The following NETO1 variants were observed in gnomAD, a reference collection of about 807,000 sequenced individuals.
NETO1 encodes the protein neuropilin and tolloid like 1.
A neutral mutation model predicts 61.3 loss-of-function variants in NETO1; 26 were observed. The ratio of observed to expected loss-of-function variants is 0.42; its 90% CI spans 0.31 to 0.59. The LOEUF (loss-of-function observed/expected upper bound fraction) is 0.59, where lower values mean the gene tolerates loss of function less well. NETO1 is among the 20% of genes least tolerant of loss of function. NETO1 has a pLI of 0.12. For synonymous variants in NETO1, 225 were observed against 225.8 expected (o/e 1.00, Z 0.03); for missense variants, 531 against 662.8 (o/e 0.80, Z 2.18).
At chr18:72,822,735 T>C (rs1035169999) in intron 4 of NETO1, among the ~76,000 whole-genome samples, 1 of 152,202 alleles carries the variant, frequency 6.6e-6, no homozygotes, top group Non-Finnish European at 1.5e-5. Context: ...AGACTTCACT[T>C]GCGGTAGACA....
intron 4 of NETO1, chr18:72,834,880 T>G: frequency 2.3e-6 from 2 of 881,920 alleles, no homozygotes; most frequent in Non-Finnish European, 2.7e-6. Flanking sequence ...AAGAATAAAT[T>G]ATCGAAAAAG....
At chr18:72,862,277 G>A (rs2074597060) in intron 3 of NETO1, among the ~76,000 whole-genome samples, 1 of 152,152 alleles carries the variant, frequency 6.6e-6, no homozygotes, top group South Asian at 2.1e-4. Context: ...ATTTTTAAGA[G>A]CAGTTGAAAA....
At chr18:72,779,714 A>C (rs1202966300) in intron 7 of NETO1, among the ~76,000 whole-genome samples, 2 of 152,236 alleles carry the variant, frequency 1.3e-5, no homozygotes. Context: ...AGAATTCTGC[A>C]TAATTTTAGC....
chr18:72,794,060 T>C (rs2072229100), intron 6 of NETO1, 57 bp downstream of exon 6: 2 of 1,609,822 alleles, frequency 1.2e-6, no homozygotes, highest in Non-Finnish European at 8.5e-7. Flanking sequence ...AAGCAATGCT[T>C]GTTATAGACA....
chr18:72,756,538 T>A (rs1384734687), intron 7 of NETO1, among the ~76,000 whole-genome samples: 1 of 152,164 alleles, frequency 6.6e-6, no homozygotes, highest in African/African-American at 2.4e-5. Flanking sequence ...TAGAAATTTT[T>A]AAATAATTTT....
chr18:72,865,502 G>A (rs1457035250), intron 1 of NETO1: 48 of 1,529,196 alleles, frequency 3.1e-5, no homozygotes, highest in Non-Finnish European at 3.9e-5. Context: ...CACTCTAAAG[G>A]CAACATGTCA....
intron 4 of NETO1, among the ~76,000 whole-genome samples, chr18:72,826,461 G>A (rs2073377008): frequency 1.3e-5 from 2 of 151,724 alleles, no homozygotes; most frequent in African/African-American, 4.8e-5. Flanking sequence ...TTTTTAAATT[G>A]GTAGATTTAT....
At position 72,756,064 on chromosome 18, in the gene NETO1, C is replaced by T; in HGVS notation, c.952G>A (p.Val318Met). 4 of 1,606,428 alleles carry T rather than the reference C, an allele frequency of 2.5e-6. No individual in the cohort carries two copies. The highest frequency in any genetic ancestry group is 2.6e-6 in the Non-Finnish European group (3 of 1,173,734). Residue 318 changes from valine (V) to methionine (M), a missense_variant, in exon 8 of 11, where the codon GTG becomes ATG. Physicochemically the swap from Val to Met is conservative, Grantham distance 21. Transcript: ENST00000327305. ...CAGTGATTTTCATCCCAAGGATACA[C>T]ACAGTTCTGGAGTCCATTGCAGACC... is the stretch of plus-strand genomic sequence containing the variant. Reference protein sequence around the residue: ...TLVCNGLQNCVYPWDENHCKE... With the variant: ...TLVCNGLQNCMYPWDENHCKE...
Position 72,867,379 on chromosome 18 carries a change from A to C in NETO1, c.-88T>G. 1 of 1,104,716 alleles carries C rather than the reference A, an allele frequency of 9.1e-7. No individual in the cohort carries two copies. The highest frequency in any genetic ancestry group is 1.8e-5 in the South Asian group (1 of 56,726). The allele number at this position is 1,104,716 out of a possible 1,614,324, so 68.4% of individuals were successfully genotyped here. A position where few individuals can be genotyped will look rare whatever the true frequency, so the allele number is the denominator to read the frequency against. ...CAGTGGCGGGGGGAGGACAGGGTCGAGAGGTGTTAAAGACGCAAAGCAAGA... is the reference window on the plus strand; with the variant it reads ...CAGTGGCGGGGGGAGGACAGGGTCGCGAGGTGTTAAAGACGCAAAGCAAGA... On this transcript the variant is annotated 5_prime_UTR_variant, in exon 1 of 11. Coordinates refer to ENST00000327305, the MANE Select transcript of NETO1 (RefSeq NM_138966.5).
At chr18:72,823,590 TG>T (rs1414104153) in intron 4 of NETO1, among the ~76,000 whole-genome samples, 1 of 151,988 alleles carries the variant, frequency 6.6e-6, no homozygotes, top group Admixed American at 6.6e-5. Context: ...GTTAAAAGGA[TG>T]GAGGTGTGGG....
chr18:72,785,544 T>C (rs931308908), intron 6 of NETO1, among the ~76,000 whole-genome samples: 7 of 152,186 alleles, frequency 4.6e-5, no homozygotes, highest in African/African-American at 1.7e-4. Context: ...AATCACAGTC[T>C]TTTTTTCATT....
chr18:72,784,962 T>C (rs946273816), intron 6 of NETO1, among the ~76,000 whole-genome samples: 11 of 152,184 alleles, frequency 7.2e-5, no homozygotes, highest in Non-Finnish European at 1.5e-4. Context: ...AGATACAATG[T>C]CAAAGAGTGG....
intron 4 of NETO1, among the ~76,000 whole-genome samples, chr18:72,843,438 T>G (rs2073993715): frequency 6.6e-6 from 1 of 152,154 alleles, no homozygotes; most frequent in Non-Finnish European, 1.5e-5. Flanking sequence ...GAAATCATCC[T>G]GATAATAGAG....
rs146630216 is a variant in NETO1 at position 72,826,269 on chromosome 18, T to A, written c.470-31865A>T. On this transcript the variant is annotated intron_variant, in intron 4 of 10. Coordinates refer to ENST00000327305, the MANE Select transcript of NETO1 (RefSeq NM_138966.5). Reference sequence around the variant, plus strand: ...CCTTCATTATTATTAATGATTTTTATCCTAAATTATAATTGGTCTGATATT... The same window carrying A: ...CCTTCATTATTATTAATGATTTTTAACCTAAATTATAATTGGTCTGATATT... 9.8e-5 allele frequency among the ~76,000 whole-genome samples: 15 copies of A among 152,310 alleles called. No individual in the cohort carries two copies. The East Asian group carries it at 2.7e-3, about 27-fold the overall frequency.
At chr18:72,827,089 TC>T (rs1238715935) in intron 4 of NETO1, among the ~76,000 whole-genome samples, 1 of 81,602 alleles carries the variant, frequency 1.2e-5, no homozygotes, top group Admixed American at 1.4e-4. Flanking sequence ...TTCAATGCTT[TC>T]TTTTTTTTTT....
intron 4 of NETO1, among the ~76,000 whole-genome samples, chr18:72,847,212 T>C (rs1444065125): frequency 6.6e-6 from 1 of 152,256 alleles, no homozygotes; most frequent in African/African-American, 2.4e-5. Context: ...AAAAGTCAGC[T>C]ATAGTTCTTT....
intron 4 of NETO1, among the ~76,000 whole-genome samples, chr18:72,838,659 T>C (rs1018744550): frequency 3.3e-5 from 5 of 152,198 alleles, no homozygotes; most frequent in Non-Finnish European, 5.9e-5. Context: ...AACTCTCTTG[T>C]TGCACTGTTC....
intron 4 of NETO1, among the ~76,000 whole-genome samples, chr18:72,825,611 T>C (rs986733716): frequency 1.5e-4 from 23 of 152,270 alleles, no homozygotes; most frequent in African/African-American, 5.1e-4. Flanking sequence ...TTTTTCTCAC[T>C]TTTGGAGATA....
In NETO1 at chr18:72,750,062, C is replaced by T. The variant is rs758775320; in HGVS notation, c.1541G>A (p.Arg514Gln). Residue 514 changes from arginine to glutamine, a missense_variant and splice_region_variant, in exon 9 of 11, where the codon CGG becomes CAG. By Grantham distance (43) the Arg-to-Gln change is conservative (BLOSUM62 1). Transcript: ENST00000327305. ...RLSRHDKAVQRFCLIGSLSKH... is the reference protein window; with the variant it reads ...RLSRHDKAVQQFCLIGSLSKH... The stretch of plus-strand genomic sequence containing the variant: ...CATCAAAAAATCTATTGATACTGAC[C>T]GCTGGACGGCTTTATCGTGTCTGGA... 3.8e-6 allele frequency: 6 copies of T among 1,567,534 alleles called. No homozygotes were observed. Among genetic ancestry groups the T allele is most frequent in the Admixed American group, 1.8e-5 (1 of 55,492 alleles).
Sources: allele counts gnomAD v4.1 joint callset (sites outside exome capture counted in the v4.1 genomes callset), GRCh38; gene constraint gnomAD v4.1.1; transcripts MANE v1.5; gene names NCBI Gene and HGNC (gene_info 2026-07-23, HGNC 2026-07-21).